Variants in WDR1 observed in about 807,000 individuals in gnomAD.
WDR1 encodes WD repeat-containing protein 1.
A neutral mutation model predicts 71.9 loss-of-function variants in WDR1; 21 were observed. The ratio of observed to expected loss-of-function variants is 0.29; its 90% CI spans 0.21 to 0.42. WDR1 has a LOEUF of 0.42. WDR1 is among the 10% of genes least tolerant of loss of function. The pLI is 1.00. For missense variants in WDR1, 696 were observed against 824.5 expected (o/e 0.84, Z 1.91); for synonymous variants, 424 against 347.4 (o/e 1.22, Z -2.45).
At chr4:10,099,877 C>T (rs1373472027) in intron 3 of WDR1, among the ~76,000 whole-genome samples, 5 of 152,250 alleles carry the variant, frequency 3.3e-5, no homozygotes, top group African/African-American at 1.2e-4. Flanking sequence ...GAACTCGATG[C>T]TGATTCTCTT....
At chr4:10,104,965 T>C (rs1407709736) in intron 2 of WDR1, among the ~76,000 whole-genome samples, 1 of 150,698 alleles carries the variant, frequency 6.6e-6, no homozygotes, top group Non-Finnish European at 1.5e-5. Flanking sequence ...CCTCAAGACC[T>C]GAGGGGCCCC....
chr4:10,085,575 C>T (rs558600354), intron 8 of WDR1, among the ~76,000 whole-genome samples: 29 of 152,358 alleles, frequency 1.9e-4, no homozygotes, highest in African/African-American at 6.7e-4. Context: ...CAAATCAGAA[C>T]GTGCACTCGG....
At chr4:10,105,242 T>C (rs1029192602) in intron 2 of WDR1, among the ~76,000 whole-genome samples, 1 of 152,122 alleles carries the variant, frequency 6.6e-6, no homozygotes, top group East Asian at 1.9e-4. Flanking sequence ...CACATCATAG[T>C]CCCTAGCATT....
rs758834069 is a variant in WDR1 at position 10,116,031 on chromosome 4, G to A, written c.138+82C>T. On this transcript the variant is annotated intron_variant, in intron 2 of 14. Transcript: ENST00000499869. ...CCCTCCCCGGGCCAATGGGCAGGAG[G>A]TGAGAAGTGGAGAGGAAGGCGAATT... is the stretch of plus-strand genomic sequence containing the variant. 189 of 1,539,804 alleles carry A rather than the reference G, an allele frequency of 1.2e-4. 1 individual carries two copies. Among genetic ancestry groups the A allele is most frequent in the Non-Finnish European group, 1.6e-4 (181 of 1,132,960 alleles).
At chr4:10,116,061 C>A (rs1329202698) in intron 2 of WDR1, 52 bp downstream of exon 2, 1 of 1,589,058 alleles carries the variant, frequency 6.3e-7, no homozygotes, top group South Asian at 1.1e-5. Flanking sequence ...CGAATTATCC[C>A]ATCCCAAGGT....
At chr4:10,082,416 C>T (rs539389269) in intron 10 of WDR1, among the ~76,000 whole-genome samples, 1 of 152,308 alleles carries the variant, frequency 6.6e-6, no homozygotes, top group East Asian at 1.9e-4. Flanking sequence ...GGCATGGGGA[C>T]ACTGGATGTG....
At chr4:10,080,736 C>G (rs998512606) in intron 11 of WDR1, among the ~76,000 whole-genome samples, 2 of 152,202 alleles carry the variant, frequency 1.3e-5, no homozygotes, top group South Asian at 2.1e-4. Context: ...TGGCTTTGGT[C>G]CAGATATTCC....
At chr4:10,113,637 T>C (rs1036645597) in intron 2 of WDR1, among the ~76,000 whole-genome samples, 3 of 152,122 alleles carry the variant, frequency 2.0e-5, no homozygotes, top group Non-Finnish European at 4.4e-5. Context: ...AGGAGACCTG[T>C]TTGGTTTTCG....
At position 10,097,738 on chromosome 4, in the gene WDR1, G is replaced by T. The variant is rs373013793; in HGVS notation, c.531C>A (p.Pro177=). ...CAATTGTGAACTTGAACTTGAATGG[G>T]GGTCCCTCAAAGAATGCCGCGCAGT... The part of the protein sequence containing the change: ...DDNCAAFFEG[P]PFKFKFTIGD... The change falls in exon 5 of 15, where the codon CCC becomes CCA. Residue 177 remains proline, a synonymous_variant. Transcript: ENST00000499869. 1 of 1,609,522 alleles carries T rather than the reference G, an allele frequency of 6.2e-7. No individual in the cohort carries two copies. The highest frequency in any genetic ancestry group is 1.7e-5 in the Admixed American group (1 of 59,300).
chr4:10,114,440 G>A (rs915629420), intron 2 of WDR1, among the ~76,000 whole-genome samples: 1 of 152,196 alleles, frequency 6.6e-6, no homozygotes, highest in African/African-American at 2.4e-5. Context: ...GACCCATGTG[G>A]GGTGGAAAGA....
In WDR1 at chr4:10,116,696, G is replaced by A; in HGVS notation, c.-30C>T. On this transcript the variant is annotated 5_prime_UTR_variant, in exon 1 of 15. Coordinates refer to ENST00000499869, the MANE Select transcript of WDR1 (RefSeq NM_017491.5). ...GCCCACTTGTTACCGCGCCGCGCTC[G>A]CCGAGAGCCTCCGGGGCCGGCCCGC... 1.5e-6 allele frequency: 2 copies of A among 1,349,584 alleles called. No homozygotes were observed. The highest frequency in any genetic ancestry group is 1.7e-5 in the South Asian group (1 of 57,672). 83.6% of individuals were successfully genotyped at this position (1,349,584 alleles called of 1,614,324 possible).
In WDR1 at chr4:10,099,133, G is replaced by A. The variant is rs1001170198; in HGVS notation, c.236C>T (p.Ser79Phe). ...GGTATCCCAGATCCTCAGCTTCCCA[G>A]ACACATCTGTGGGGCACAGCGGGCG... The part of the protein sequence containing the change: ...SGFYIASGDV[S>F]GKLRIWDTTQ... The change falls in exon 4 of 15, where the codon TCT becomes TTT. Residue 79 changes from serine (S) to phenylalanine (F), a missense_variant. By Grantham distance (155) the Ser-to-Phe change is radical. Coordinates refer to ENST00000499869, the MANE Select transcript of WDR1 (RefSeq NM_017491.5). 3 of 1,271,268 alleles carry A rather than the reference G, an allele frequency of 2.4e-6. No individual in the cohort carries two copies. Among genetic ancestry groups the A allele is most frequent in the Admixed American group, 2.0e-5 (1 of 49,242 alleles). The allele number at this position is 1,271,268 out of a possible 1,614,324, so 78.7% of individuals were successfully genotyped here.
intron 2 of WDR1, 142 bp downstream of exon 2, chr4:10,115,971 G>T: frequency 1.7e-6 from 2 of 1,166,220 alleles, no homozygotes; most frequent in Non-Finnish European, 2.4e-6. Flanking sequence ...GGGCTCCGAG[G>T]TGTGGCTCCC....
At chr4:10,100,424 G>A (rs1175880157) in intron 3 of WDR1, among the ~76,000 whole-genome samples, 2 of 152,244 alleles carry the variant, frequency 1.3e-5, no homozygotes, top group Admixed American at 1.3e-4. Flanking sequence ...TGCACAGCAA[G>A]AGCTCGTTAC....
chr4:10,075,767 T>C (rs892417127), intron 14 of WDR1: 13 of 529,640 alleles, frequency 2.5e-5, no homozygotes, highest in African/African-American at 1.9e-4. Flanking sequence ...TCTCTCCAAG[T>C]CTTGACAACC....
At chr4:10,085,234 C>T (rs1560531777) in intron 8 of WDR1, among the ~76,000 whole-genome samples, 1 of 152,232 alleles carries the variant, frequency 6.6e-6, no homozygotes, top group African/African-American at 2.4e-5. Flanking sequence ...AGGCCAGCTC[C>T]TGGCTGGCCC....
At position 10,112,240 on chromosome 4, in the gene WDR1, G is replaced by A. The variant is rs543088171; in HGVS notation, c.138+3873C>T. On this transcript the variant is annotated intron_variant, in intron 2 of 14. Transcript: ENST00000499869. ...GTCATAAGAGGCAGAGGTGATGCAG[G>A]CAGGGTAAGGAAACTTAGAAGGAAC... 2.3e-4 allele frequency among the ~76,000 whole-genome samples: 35 copies of A among 152,178 alleles called. 1 individual carries two copies. In the South Asian group the frequency reaches 6.9e-3, roughly 30 times the overall value.
At chr4:10,095,246 G>A (rs933711831) in intron 5 of WDR1, among the ~76,000 whole-genome samples, 3 of 152,152 alleles carry the variant, frequency 2.0e-5, no homozygotes, top group Non-Finnish European at 4.4e-5. Flanking sequence ...AAAGATCTGG[G>A]GAAAAAAGAC....
intron 2 of WDR1, among the ~76,000 whole-genome samples, chr4:10,105,527 G>C (rs947257277): frequency 1.3e-5 from 2 of 152,178 alleles, no homozygotes. Flanking sequence ...AAAGCGCTCA[G>C]TGTCATTAGT....
Sources: allele counts gnomAD v4.1 joint callset (sites outside exome capture counted in the v4.1 genomes callset), GRCh38; gene constraint gnomAD v4.1.1; transcripts MANE v1.5; gene names NCBI Gene and HGNC (gene_info 2026-07-23, HGNC 2026-07-21).